The following CDK5RAP1 variants were observed in gnomAD, a reference collection of about 807,000 sequenced individuals.
The protein encoded by CDK5RAP1 is CDK5RAP1 mitochondrial tRNA methylthiotransferase, also known as mitochondrial tRNA methylthiotransferase CDK5RAP1.
In CDK5RAP1, 62 loss-of-function variants were observed where a neutral mutation model predicts 64.5. The ratio of observed to expected loss-of-function variants is 0.96; its 90% CI spans 0.78 to 1.19. The LOEUF is 1.19. Ranked by LOEUF, CDK5RAP1 falls within the 50% of genes most tolerant of loss-of-function variation. The pLI is 0.00. For missense variants in CDK5RAP1, 657 were observed against 735.0 expected (o/e 0.89, Z 1.23); for synonymous variants, 250 against 261.9 (o/e 0.95, Z 0.44).
At chr20:33,368,197 C>A (rs537957284) in intron 11 of CDK5RAP1, among the ~76,000 whole-genome samples, 2 of 152,188 alleles carry the variant, frequency 1.3e-5, no homozygotes, top group Admixed American at 1.3e-4. Flanking sequence ...GTTCCTATAA[C>A]CTTAACCCTT....
intron 8 of CDK5RAP1, among the ~76,000 whole-genome samples, chr20:33,376,928 C>A (rs140015723): frequency 1.8e-4 from 27 of 152,302 alleles, no homozygotes; most frequent in African/African-American, 6.3e-4. Context: ...GGGCTCACGA[C>A]TTCAGTGGAG....
intron 7 of CDK5RAP1, among the ~76,000 whole-genome samples, chr20:33,384,847 A>G (rs989240587): frequency 2.0e-5 from 3 of 152,182 alleles, no homozygotes; most frequent in Admixed American, 6.5e-5. Flanking sequence ...TGCTGCAGTG[A>G]GCTCTGACCA....
intron 12 of CDK5RAP1, among the ~76,000 whole-genome samples, chr20:33,364,257 T>C (rs1983482323): frequency 6.6e-6 from 1 of 151,124 alleles, no homozygotes; most frequent in African/African-American, 2.4e-5. Flanking sequence ...GGCGCAATCT[T>C]GGCTCACTGC....
chr20:33,399,800 C>A (rs967394608), intron 1 of CDK5RAP1, among the ~76,000 whole-genome samples: 3 of 152,212 alleles, frequency 2.0e-5, no homozygotes, highest in South Asian at 2.1e-4. Context: ...CCGAGGCAGG[C>A]GGATTGTTTG....
rs768639359 is a variant in CDK5RAP1 at position 33,376,327 on chromosome 20, A to AAAAAAT, written c.1108-2121_1108-2116dup. 3.3e-5 allele frequency among the ~76,000 whole-genome samples: 5 copies of AAAAAAT among 152,238 alleles called. No individual in the cohort carries two copies. In the South Asian group the frequency reaches 1.0e-3, roughly 32 times the overall value. On this transcript the variant is annotated intron_variant, in intron 8 of 13. Coordinates refer to ENST00000346416, the MANE Select transcript of CDK5RAP1 (RefSeq NM_016408.4). Reference sequence around the variant, plus strand: ...TGACAGAGCAAGACTCAGTCTCGAAAAAAAATAAAAATAAAAATAAAAAAT... The same window carrying AAAAAAT: ...TGACAGAGCAAGACTCAGTCTCGAAAAAAAATAAAAATAAAAATAAAAATAAAAAAT...
chr20:33,398,445 G>C (rs1377115895), intron 1 of CDK5RAP1, among the ~76,000 whole-genome samples: 3 of 152,192 alleles, frequency 2.0e-5, no homozygotes. Context: ...AGTGAGCCAA[G>C]ATCACGCCAC....
chr20:33,387,492 C>G lies in CDK5RAP1; in HGVS notation c.586G>C (p.Glu196Gln). Residue 196 changes from glutamate (E) to glutamine (Q), a missense_variant, in exon 6 of 14, where the codon GAG becomes CAG. Physicochemically the swap from Glu to Gln is conservative, Grantham distance 29 (BLOSUM62 2). Coordinates refer to ENST00000346416, the MANE Select transcript of CDK5RAP1 (RefSeq NM_016408.4). Reference protein sequence around the residue: ...ERLKEEILNREKMVDILAGPD... With the variant: ...ERLKEEILNRQKMVDILAGPD... Reference sequence around the variant, plus strand: ...CCAGCCAAAATATCTACCATTTTCTCTCTGTTGAGAATCTCCTCCTTCAAC... The same window carrying G: ...CCAGCCAAAATATCTACCATTTTCTGTCTGTTGAGAATCTCCTCCTTCAAC... 1.9e-6 allele frequency: 3 copies of G among 1,614,138 alleles called. No individual in the cohort carries two copies. Among genetic ancestry groups the G allele is most frequent in the East Asian group, 2.2e-5 (1 of 44,878 alleles).
Position 33,401,484 on chromosome 20 carries a change from G to A in CDK5RAP1, c.-77C>T. 1 of 985,398 alleles carries A rather than the reference G, an allele frequency of 1.0e-6. No homozygotes were observed. Among genetic ancestry groups the A allele is most frequent in the South Asian group, 4.7e-5 (1 of 21,288 alleles). 61.0% of individuals were successfully genotyped at this position (985,398 alleles called of 1,614,324 possible). On this transcript the variant is annotated 5_prime_UTR_variant, in exon 1 of 14. Transcript: ENST00000346416. ...GCAGCGTAAGTTCTGCCGGCAAGTC[G>A]GATCCCCTCACAGGTCCGCCGCTGC...
At chr20:33,360,945 A>G (rs1982807077) in intron 12 of CDK5RAP1, among the ~76,000 whole-genome samples, 1 of 152,354 alleles carries the variant, frequency 6.6e-6, no homozygotes, top group East Asian at 1.9e-4. Context: ...CACACAGAAG[A>G]CAGAGCCAGG....
intron 7 of CDK5RAP1, among the ~76,000 whole-genome samples, chr20:33,383,319 A>T (rs529117767): frequency 2.5e-4 from 38 of 152,202 alleles, no homozygotes; most frequent in Non-Finnish European, 4.3e-4. Flanking sequence ...AGAAAAAAAT[A>T]AATGAGGCCA....
chr20:33,392,076 A>G (rs1003799878), intron 5 of CDK5RAP1, 66 bp downstream of exon 5: 1 of 966,972 alleles, frequency 1.0e-6, no homozygotes. Context: ...TAAAGGAAAC[A>G]CTAGCAAATA....
At position 33,397,090 on chromosome 20, in the gene CDK5RAP1, A is replaced by G. The variant is rs374822605; in HGVS notation, c.-20-6T>C. The G allele has an allele frequency of 6.4e-7, 1 of 1,569,196 alleles. No homozygotes were observed. The highest frequency in any genetic ancestry group is 8.6e-7 in the Non-Finnish European group (1 of 1,159,544). On this transcript the variant is annotated splice_region_variant and splice_polypyrimidine_tract_variant and intron_variant, in intron 1 of 13. Coordinates refer to ENST00000346416, the MANE Select transcript of CDK5RAP1 (RefSeq NM_016408.4). ...GGCACTAAACAGCCCACAGTCTGCA[A>G]AAGAATGACAGACATCACCAGCATT...
At chr20:33,381,544 A>G (rs945191320) in intron 7 of CDK5RAP1, among the ~76,000 whole-genome samples, 3 of 152,128 alleles carry the variant, frequency 2.0e-5, no homozygotes, top group African/African-American at 4.8e-5. Flanking sequence ...CTCCTGCCTC[A>G]GCCTCCTGAG....
chr20:33,388,762 T>C (rs918852620), intron 5 of CDK5RAP1, among the ~76,000 whole-genome samples: 1 of 152,014 alleles, frequency 6.6e-6, no homozygotes, highest in African/African-American at 2.4e-5. Context: ...GTGCCTGCGA[T>C]TGCAGGCGCG....
At chr20:33,397,463 G>A (rs144529589) in intron 1 of CDK5RAP1, among the ~76,000 whole-genome samples, 59 of 152,260 alleles carry the variant, frequency 3.9e-4, no homozygotes, top group Non-Finnish European at 5.0e-4. Context: ...TTCCTATTCC[G>A]AAAGACATAG....
chr20:33,362,095 C>CA (rs1468562454), intron 12 of CDK5RAP1, among the ~76,000 whole-genome samples: 2 of 151,262 alleles, frequency 1.3e-5, no homozygotes, highest in Non-Finnish European at 2.9e-5. Flanking sequence ...GGAAGCGGAG[C>CA]AAAAAAATCT....
At chr20:33,386,386 T>C in intron 6 of CDK5RAP1, among the ~76,000 whole-genome samples, 1 of 152,270 alleles carries the variant, frequency 6.6e-6, no homozygotes, top group Admixed American at 6.5e-5. Context: ...AAATTCTTTT[T>C]TCCAGACAGC....
chr20:33,374,790 G>A (rs961924801), intron 8 of CDK5RAP1, among the ~76,000 whole-genome samples: 3 of 151,944 alleles, frequency 2.0e-5, no homozygotes, highest in African/African-American at 7.2e-5. Flanking sequence ...CTGACCTCAA[G>A]TGATCCGCCT....
At chr20:33,360,638 T>C in intron 12 of CDK5RAP1, 147 bp from the exon 13 acceptor site, 1 of 685,572 alleles carries the variant, frequency 1.5e-6, no homozygotes, top group Non-Finnish European at 2.4e-6. Flanking sequence ...ACTCAGTGTT[T>C]GCTGCTGCTT....
Sources: gnomAD v4.1 joint callset for allele counts (sites outside exome capture counted in the v4.1 genomes callset) on GRCh38, gnomAD v4.1.1 for gene constraint, MANE v1.5 for transcripts, NCBI Gene and HGNC (gene_info 2026-07-23, HGNC 2026-07-21) for gene names.